AGBL1: variants seen among roughly 807,000 people sequenced by gnomAD.
AGBL1 encodes the protein AGBL carboxypeptidase 1.
In AGBL1, 130 loss-of-function variants were observed where a neutral mutation model predicts 118.9. The ratio of observed to expected loss-of-function variants is 1.09; its 90% CI spans 0.95 to 1.26. The LOEUF (loss-of-function observed/expected upper bound fraction) is 1.26. Ranked by LOEUF, AGBL1 falls within the 50% of genes most tolerant of loss-of-function variation. The pLI is 0.00. For missense variants in AGBL1, 1,584 were observed against 1,298.1 expected (o/e 1.22, Z -3.38); for synonymous variants, 555 against 478.9 (o/e 1.16, Z -2.08).
chr15:86,518,410 A>G (rs1364139287), intron 18 of AGBL1, among the ~76,000 whole-genome samples: 1 of 152,132 alleles, frequency 6.6e-6, no homozygotes, highest in Non-Finnish European at 1.5e-5. Context: ...CCTTTTAATC[A>G]GAATGTCATG....
At chr15:86,791,416 G>T (rs192798834) in intron 22 of AGBL1, among the ~76,000 whole-genome samples, 99 of 152,190 alleles carry the variant, frequency 6.5e-4, no homozygotes, top group African/African-American at 2.2e-3. Context: ...ATTAAAACAA[G>T]TAATTCACCT....
At chr15:86,938,769 G>T (rs1461179259) in intron 23 of AGBL1, 1 of 152,042 alleles carries the variant, frequency 6.6e-6, no homozygotes, top group African/African-American at 2.4e-5. Flanking sequence ...TCTAGTTCAG[G>T]GTATGTAAAA....
chr15:86,554,349 T>C lies in AGBL1; in HGVS notation c.2818-12T>C, dbSNP rs1236380109. 6.4e-7 allele frequency: 1 copy of C among 1,553,466 alleles called. No individual in the cohort carries two copies. The highest frequency in any genetic ancestry group is 8.7e-7 in the Non-Finnish European group (1 of 1,150,152). On this transcript the variant is annotated splice_polypyrimidine_tract_variant and intron_variant, in intron 20 of 22. Coordinates refer to ENST00000614907, the MANE Select transcript of AGBL1 (RefSeq NM_001386094.1). ...ACAACTAATCATCGTTTGATTTTTGTTTTTACTGTAGACTCTTCCCAAAAT... is the reference window on the plus strand; with the variant it reads ...ACAACTAATCATCGTTTGATTTTTGCTTTTACTGTAGACTCTTCCCAAAAT...
chr15:86,850,788 T>A (rs1000459081), intron 22 of AGBL1, among the ~76,000 whole-genome samples: 1 of 151,934 alleles, frequency 6.6e-6, no homozygotes, highest in African/African-American at 2.4e-5. Flanking sequence ...TTACTTACTA[T>A]GCTGCATATC....
chr15:86,250,603 A>G (rs568194370), intron 7 of AGBL1, among the ~76,000 whole-genome samples: 9 of 144,308 alleles, frequency 6.2e-5, no homozygotes, highest in African/African-American at 2.3e-4. Flanking sequence ...AATGTTATCA[A>G]GTTTATGTGC....
chr15:86,536,984 G>C (rs1253253819), intron 19 of AGBL1, among the ~76,000 whole-genome samples: 1 of 152,214 alleles, frequency 6.6e-6, no homozygotes, highest in Non-Finnish European at 1.5e-5. Context: ...TCGTGGCCAA[G>C]GGCATTGGGC....
rs1183866210 is a variant in AGBL1 at position 86,964,031 on chromosome 15, C to CTCTCTCTCTCTCTG, written c.3222-23955_3222-23954insCTCTCTCTCTCTGT. 9.2e-3 allele frequency among the ~76,000 whole-genome samples: 1,338 copies of CTCTCTCTCTCTCTG among 146,196 alleles called. 12 individuals carry two copies. The highest frequency in any genetic ancestry group is 0.023 in the South Asian group (104 of 4,510). The stretch of plus-strand genomic sequence containing the variant: ...AAACTCTCTCTCTCTCTCTCTCTCT[C>CTCTCTCTCTCTCTG]TGTGTGTGTGTGTGTGTGTGTGTGT... On this transcript the variant is annotated intron_variant, in intron 23 of 24. Coordinates refer to the AGBL1 transcript ENST00000441037.
At chr15:86,427,421 AGT>A (rs2142033388) in intron 18 of AGBL1, among the ~76,000 whole-genome samples, 1 of 152,242 alleles carries the variant, frequency 6.6e-6, no homozygotes, top group South Asian at 2.1e-4. Context: ...ACATCTCCAG[AGT>A]CCTAAATGAC....
chr15:86,749,613 T>G (rs1231992703), intron 22 of AGBL1, among the ~76,000 whole-genome samples: 3 of 152,254 alleles, frequency 2.0e-5, no homozygotes, highest in Non-Finnish European at 4.4e-5. Flanking sequence ...ATGCTTCCAG[T>G]TTTTGCCCAT....
intron 18 of AGBL1, among the ~76,000 whole-genome samples, chr15:86,446,767 T>C (rs566002049): frequency 2.0e-4 from 30 of 152,234 alleles, no homozygotes; most frequent in Non-Finnish European, 4.0e-4. Context: ...GCAGCTCATA[T>C]GCTTTTATTT....
In AGBL1 at chr15:86,753,439, C is replaced by T. The variant is rs548433216; in HGVS notation, c.3158+79003C>T. 6.8e-5 allele frequency among the ~76,000 whole-genome samples: 10 copies of T among 147,042 alleles called. No homozygotes were observed. The South Asian group carries it at 2.2e-3, about 32-fold the overall frequency. On this transcript the variant is annotated intron_variant, in intron 22 of 22. Transcript: ENST00000614907. The stretch of plus-strand genomic sequence containing the variant: ...TTGAGACAGAGTCTTACTCTGTCGC[C>T]CAGGCTGGAGTGCAGTGGCATGATC...
At chr15:86,506,956 G>T (rs1596201314) in intron 18 of AGBL1, among the ~76,000 whole-genome samples, 1 of 152,022 alleles carries the variant, frequency 6.6e-6, no homozygotes, top group East Asian at 1.9e-4. Context: ...ATATATAAAA[G>T]TCATATTGCC....
chr15:86,094,263 A>G (rs1896215547), intron 1 of AGBL1, among the ~76,000 whole-genome samples: 2 of 152,124 alleles, frequency 1.3e-5, no homozygotes, highest in Non-Finnish European at 2.9e-5. Flanking sequence ...ATAATACTCT[A>G]TTTGATTTCT....
At chr15:86,753,671 T>TA (rs2077890557) in intron 22 of AGBL1, among the ~76,000 whole-genome samples, 1 of 152,072 alleles carries the variant, frequency 6.6e-6, no homozygotes, top group Non-Finnish European at 1.5e-5. Flanking sequence ...GTGCTGGGAG[T>TA]ACAGGCGTAA....
At chr15:86,136,445 G>A (rs570193578) in intron 1 of AGBL1, among the ~76,000 whole-genome samples, 3 of 152,312 alleles carry the variant, frequency 2.0e-5, no homozygotes, top group South Asian at 4.2e-4. Context: ...GTGAACAGCA[G>A]CCCTGGAGTT....
chr15:86,339,118 C>A (rs1484147481), intron 17 of AGBL1, among the ~76,000 whole-genome samples: 1 of 152,120 alleles, frequency 6.6e-6, no homozygotes, highest in African/African-American at 2.4e-5. Flanking sequence ...GAAATTTTCA[C>A]TAGATACGGA....
intron 18 of AGBL1, among the ~76,000 whole-genome samples, chr15:86,429,614 C>A (rs1335287703): frequency 6.6e-6 from 1 of 152,160 alleles, no homozygotes; most frequent in African/African-American, 2.4e-5. Flanking sequence ...CATGAAAGCT[C>A]CACTCTCCCT....
chr15:86,786,749 G>C (rs571751457), intron 22 of AGBL1, among the ~76,000 whole-genome samples: 1 of 152,176 alleles, frequency 6.6e-6, no homozygotes, highest in African/African-American at 2.4e-5. Context: ...ACATATGCAT[G>C]TTGCTACATG....
At chr15:86,339,980 T>A (rs997569730) in intron 17 of AGBL1, among the ~76,000 whole-genome samples, 1 of 151,194 alleles carries the variant, frequency 6.6e-6, no homozygotes, top group Non-Finnish European at 1.5e-5. Flanking sequence ...AAAAAAAAAG[T>A]TTTTATTTCA....
Sources: gnomAD v4.1 joint callset for allele counts (sites outside exome capture counted in the v4.1 genomes callset) on GRCh38, gnomAD v4.1.1 for gene constraint, MANE v1.5 for transcripts, NCBI Gene and HGNC (gene_info 2026-07-23, HGNC 2026-07-21) for gene names.